The following MDGA2 variants were observed in gnomAD, a reference collection of about 807,000 sequenced individuals.
MDGA2 encodes MAM domain-containing glycosylphosphatidylinositol anchor protein 2.
In MDGA2, 40 loss-of-function variants were observed where a neutral mutation model predicts 117.8. The ratio of observed to expected loss-of-function variants is 0.34; its 90% CI spans 0.26 to 0.44. The LOEUF is 0.44. Among genes scored for constraint, MDGA2 ranks in the 20% least tolerant of loss-of-function variants. MDGA2 has a pLI of 1.00. For synonymous variants in MDGA2, 452 were observed against 439.0 expected (o/e 1.03, Z -0.37); for missense variants, 1,123 against 1,250.6 (o/e 0.90, Z 1.54).
At chr14:47,062,208 T>C (rs922935030) in intron 6 of MDGA2, among the ~76,000 whole-genome samples, 1 of 152,050 alleles carries the variant, frequency 6.6e-6, no homozygotes, top group African/African-American at 2.4e-5. Context: ...TATTCTACCA[T>C]ACATAGATGT....
chr14:46,995,424 T>G (rs1887252317), intron 8 of MDGA2, among the ~76,000 whole-genome samples: 1 of 152,170 alleles, frequency 6.6e-6, no homozygotes, highest in Non-Finnish European at 1.5e-5. Context: ...CCTAGCACAC[T>G]GCTTTGTGTT....
chr14:46,867,363 A>T (rs1296899641), intron 14 of MDGA2, among the ~76,000 whole-genome samples: 2 of 151,960 alleles, frequency 1.3e-5, no homozygotes, highest in Non-Finnish European at 1.5e-5. Context: ...GGACACAGCA[A>T]GGGGAACATC....
intron 2 of MDGA2, among the ~76,000 whole-genome samples, chr14:47,230,656 C>T (rs1204251947): frequency 6.6e-6 from 1 of 151,834 alleles, no homozygotes; most frequent in Admixed American, 6.6e-5. Context: ...GGAACAAGAA[C>T]AACAACACAT....
intron 1 of MDGA2, among the ~76,000 whole-genome samples, chr14:47,356,849 C>G (rs1891005365): frequency 6.6e-6 from 1 of 152,310 alleles, no homozygotes; most frequent in South Asian, 2.1e-4. Flanking sequence ...CCCTCACAGA[C>G]AGCTATGGGG....
At chr14:47,336,892 G>C (rs12892734) in intron 1 of MDGA2, among the ~76,000 whole-genome samples, 13,849 of 151,936 alleles carry the variant, frequency 0.091, 704 homozygotes, top group Middle Eastern at 0.13. Flanking sequence ...ACCCAGCACA[G>C]TGCCCATTGT....
rs1894645303 is a variant in MDGA2 at position 47,511,743 on chromosome 14, C to T, written c.280+162774G>A. ...GAAAGGTAGCAAATGAAGACAGATA[C>T]ACAGACAAAAACACTTTTAAACTAG... On this transcript the variant is annotated intron_variant, in intron 1 of 16. Transcript: ENST00000399232. Among the ~76,000 whole-genome samples the T allele has an allele frequency of 3.3e-5, 5 of 152,160 alleles. No individual in the cohort carries two copies. In the South Asian group the frequency reaches 1.0e-3, roughly 32 times the overall value.
At chr14:47,086,315 C>G (rs1230862981) in intron 6 of MDGA2, among the ~76,000 whole-genome samples, 1 of 151,658 alleles carries the variant, frequency 6.6e-6, no homozygotes, top group Non-Finnish European at 1.5e-5. Flanking sequence ...CCTATAGAAT[C>G]TAGAAAAGGA....
At position 46,957,474 on chromosome 14, in the gene MDGA2, T is replaced by C. The variant is rs775652084; in HGVS notation, c.1989A>G (p.Thr663=). 6.8e-6 allele frequency: 11 copies of C among 1,614,042 alleles called. No individual in the cohort carries two copies. The highest frequency in any genetic ancestry group is 3.4e-6 in the Non-Finnish European group (4 of 1,180,018). ...RTGQFDSQEY[T]EYAVKSLSNE... ...TGGAAAGACTCTTCACAGCGTACTC[T>C]GTGTATTCCTGAGAGTCAAATTGAC... Residue 663 remains threonine, a synonymous_variant, in exon 9 of 17, where the codon ACA becomes ACG. Coordinates refer to ENST00000399232, the MANE Select transcript of MDGA2 (RefSeq NM_001113498.3).
At chr14:47,336,001 T>C (rs1015669836) in intron 1 of MDGA2, among the ~76,000 whole-genome samples, 2 of 151,528 alleles carry the variant, frequency 1.3e-5, no homozygotes, top group African/African-American at 4.8e-5. Context: ...AGTAGAGTGA[T>C]AGTGGAGCAA....
At chr14:46,960,216 G>A (rs1460332496) in intron 8 of MDGA2, among the ~76,000 whole-genome samples, 3 of 151,600 alleles carry the variant, frequency 2.0e-5, no homozygotes, top group South Asian at 2.1e-4. Flanking sequence ...GCTGGACTCT[G>A]CCTCAAAAAA....
chr14:47,263,292 T>C (rs1009199541), intron 2 of MDGA2, among the ~76,000 whole-genome samples: 3 of 152,052 alleles, frequency 2.0e-5, no homozygotes, highest in African/African-American at 7.2e-5. Context: ...AAATTGTTAT[T>C]TTGTTTCCAC....
intron 1 of MDGA2, among the ~76,000 whole-genome samples, chr14:47,605,006 T>TG (rs147761356): frequency 1.9e-3 from 285 of 151,628 alleles, no homozygotes; most frequent in African/African-American, 4.9e-3. Context: ...TAAACTTGGT[T>TG]GGGGGGGGTG....
chr14:46,947,454 G>A (rs1171146631), intron 9 of MDGA2, among the ~76,000 whole-genome samples: 1 of 151,970 alleles, frequency 6.6e-6, no homozygotes. Flanking sequence ...ACATCACTCA[G>A]AAGTCTAGCC....
chr14:46,921,654 A>G (rs1884137592), intron 9 of MDGA2, among the ~76,000 whole-genome samples: 1 of 151,982 alleles, frequency 6.6e-6, no homozygotes, highest in African/African-American at 2.4e-5. Flanking sequence ...GAAAAGTCTC[A>G]AATGAGAGGA....
At chr14:47,045,083 A>G (rs1334864514) in intron 7 of MDGA2, among the ~76,000 whole-genome samples, 3 of 152,304 alleles carry the variant, frequency 2.0e-5, no homozygotes, top group African/African-American at 7.2e-5. Context: ...GAGGGATTCA[A>G]TAGAATACAA....
chr14:47,674,524 T>G lies in MDGA2; in HGVS notation c.273A>C (p.Gly91=). 1 of 1,550,784 alleles carries G rather than the reference T, an allele frequency of 6.4e-7. No individual in the cohort carries two copies. Among genetic ancestry groups the G allele is most frequent in the East Asian group, 2.4e-5 (1 of 40,818 alleles). ...TVLLEGISGQ[G]VYAPPTVRIV... The stretch of plus-strand genomic sequence containing the variant: ...CGTCGCGATTCCACTCACCGTACAC[T>G]CCTTGGCCAGAGATCCCCTCCAGGA... The change falls in exon 1 of 17, where the codon GGA becomes GGC. Residue 91 remains glycine, a synonymous_variant. Transcript: ENST00000399232.
At chr14:46,879,889 C>T (rs1325356610) in intron 11 of MDGA2, among the ~76,000 whole-genome samples, 1 of 152,050 alleles carries the variant, frequency 6.6e-6, no homozygotes, top group African/African-American at 2.4e-5. Flanking sequence ...AATAGTTTTA[C>T]TTCATATTTC....
intron 1 of MDGA2, among the ~76,000 whole-genome samples, chr14:47,369,188 A>G (rs1227226134): frequency 1.3e-5 from 2 of 152,150 alleles, no homozygotes; most frequent in Non-Finnish European, 2.9e-5. Flanking sequence ...ATATATCATT[A>G]AATATTTCCA....
At chr14:47,349,111 C>A (rs551786829) in intron 1 of MDGA2, among the ~76,000 whole-genome samples, 2 of 152,182 alleles carry the variant, frequency 1.3e-5, no homozygotes, top group Middle Eastern at 3.4e-3. Context: ...AACAGAGAGA[C>A]AAAAGGGAAC....
Sources: gnomAD v4.1 joint callset for allele counts (sites outside exome capture counted in the v4.1 genomes callset) on GRCh38, gnomAD v4.1.1 for gene constraint, MANE v1.5 for transcripts, NCBI Gene and HGNC (gene_info 2026-07-23, HGNC 2026-07-21) for gene names.